The following PLAGL1 variants were observed in gnomAD, a reference collection of about 807,000 sequenced individuals.
The protein encoded by PLAGL1 is zinc finger protein PLAGL1.
In PLAGL1, 1 loss-of-function variant was observed where a neutral mutation model predicts 4.6. The observed-to-expected ratio is 0.22, with a 90% CI of 0.08 to 1.03. PLAGL1 has a LOEUF of 1.03. PLAGL1 is among the 50% of genes least tolerant of loss of function. The pLI is 0.58. For missense variants in PLAGL1, 464 were observed against 570.4 expected (o/e 0.81, Z 1.90); for synonymous variants, 240 against 237.8 (o/e 1.01, Z -0.08).
rs930430773 is a variant in PLAGL1 at position 144,036,121 on chromosome 6, G to T, written c.-151+28347C>A. Among the ~76,000 whole-genome samples the T allele has an allele frequency of 2.6e-5, 4 of 152,158 alleles. No homozygotes were observed. Among genetic ancestry groups the T allele is most frequent in the Admixed American group, 6.5e-5 (1 of 15,272 alleles). Reference sequence around the variant, plus strand: ...TGGACCCAGAGGGCAGCTACAAGCCGACTTTTATGCTCTGCCTCCAGAATG... The same window carrying T: ...TGGACCCAGAGGGCAGCTACAAGCCTACTTTTATGCTCTGCCTCCAGAATG... On this transcript the variant is annotated intron_variant, in intron 1 of 3. Transcript: ENST00000437412. This position sits in a 1 kb window ranked among gnomAD's most constrained non-coding sequence, Gnocchi z 5.1.
chr6:144,031,802 C>G (rs1242443094), intron 1 of PLAGL1, among the ~76,000 whole-genome samples: 1 of 152,044 alleles, frequency 6.6e-6, no homozygotes, highest in East Asian at 1.9e-4. Context: ...CAGATTTGTT[C>G]TTTTTGCTTA....
chr6:143,976,781 G>A (rs1221875796), intron 2 of PLAGL1, among the ~76,000 whole-genome samples: 1 of 152,088 alleles, frequency 6.6e-6, no homozygotes, highest in Non-Finnish European at 1.5e-5. Context: ...CTCACAACAT[G>A]AAAGAAACAC....
chr6:144,052,983 G>A (rs1798687188), intron 1 of PLAGL1, among the ~76,000 whole-genome samples: 1 of 152,020 alleles, frequency 6.6e-6, no homozygotes, highest in African/African-American at 2.4e-5. Context: ...GGGGGTCACA[G>A]AAAAAAATTA....
At chr6:144,062,675 C>A (rs950397866) in intron 1 of PLAGL1, among the ~76,000 whole-genome samples, 5 of 151,992 alleles carry the variant, frequency 3.3e-5, no homozygotes, top group African/African-American at 9.7e-5. Context: ...TCATCGTAGC[C>A]GGGTTATATT....
chr6:143,998,253 T>C (rs1056001379), intron 1 of PLAGL1, among the ~76,000 whole-genome samples: 1 of 152,224 alleles, frequency 6.6e-6, no homozygotes, highest in Non-Finnish European at 1.5e-5. Context: ...ATATTGGCAA[T>C]GAAAGCAAAG....
At chr6:144,001,328 A>G (rs1792834586) in intron 1 of PLAGL1, among the ~76,000 whole-genome samples, 1 of 152,178 alleles carries the variant, frequency 6.6e-6, no homozygotes, top group Non-Finnish European at 1.5e-5. Context: ...CCATCAATAT[A>G]CATGGATATA....
rs1798692934 is a variant in PLAGL1, at chr6:144,053,042, C to G, written c.-151+11426G>C. On this transcript the variant is annotated intron_variant, in intron 1 of 3. Transcript: ENST00000437412. This position sits in a 1 kb window ranked among gnomAD's most constrained non-coding sequence, Gnocchi z 4.0. Reference sequence around the variant, plus strand: ...AGGTTAGCACCAATACTTGTAAATGCTTTGATAAACAAGGATGAAATTATT... The same window carrying G: ...AGGTTAGCACCAATACTTGTAAATGGTTTGATAAACAAGGATGAAATTATT... Among the ~76,000 whole-genome samples the G allele has an allele frequency of 6.6e-6, 1 of 152,170 alleles. No individual in the cohort carries two copies. The highest frequency in any genetic ancestry group is 2.4e-5 in the African/African-American group (1 of 41,450).
intron 1 of PLAGL1, among the ~76,000 whole-genome samples, chr6:144,017,506 C>A (rs533408915): frequency 6.6e-6 from 1 of 152,212 alleles, no homozygotes; most frequent in Non-Finnish European, 1.5e-5. Context: ...TGAAGTCTGG[C>A]ACCTCTACTA....
In PLAGL1 at chr6:143,942,291, C is replaced by T; in HGVS notation, c.525G>A (p.Leu175=). The part of the protein sequence containing the change: ...FYTRKDVRRH[L]VVHTGCKDFL... The stretch of plus-strand genomic sequence containing the variant: ...AGTCCTTGCATCCTGTGTGGACCAC[C>T]AGGTGGCGTCGCACATCCTTCCGGG... The change falls in exon 8 of 8, where the codon CTG becomes CTA. Residue 175 remains leucine (L), a synonymous_variant. Transcript: ENST00000674357. This position sits in a 1 kb window ranked among gnomAD's most constrained non-coding sequence, Gnocchi z 7.6. The T allele has an allele frequency of 6.2e-7, 1 of 1,614,064 alleles. No individual in the cohort carries two copies. The highest frequency in any genetic ancestry group is 8.5e-7 in the Non-Finnish European group (1 of 1,179,990).
rs1654137334 is a variant in PLAGL1, at chr6:143,985,263, T to C, written c.-583-89A>G. On this transcript the variant is annotated intron_variant, in intron 1 of 7. Coordinates refer to ENST00000674357, the MANE Select transcript of PLAGL1 (RefSeq NM_001317162.2). This position sits in a 1 kb window ranked among gnomAD's most constrained non-coding sequence, Gnocchi z 4.4. ...ATTTTGAGATCACTGTAGGTTCATA[T>C]GCAATTTTAAAAGAGGCTTTACTCA... The C allele has an allele frequency of 6.6e-6, 1 of 152,252 alleles. No individual in the cohort carries two copies. Among genetic ancestry groups the C allele is most frequent in the Non-Finnish European group, 1.5e-5 (1 of 68,036 alleles). 9.4% of individuals were successfully genotyped at this position (152,252 alleles called of 1,614,324 possible).
intron 1 of PLAGL1, among the ~76,000 whole-genome samples, chr6:144,057,987 T>C (rs1799113427): frequency 6.6e-6 from 1 of 152,218 alleles, no homozygotes; most frequent in Admixed American, 6.5e-5. Context: ...TATACACCTA[T>C]ACTAAAGCTA....
rs528627137 is a variant in PLAGL1, at chr6:143,961,258, C to T, written c.-398-716G>A. On this transcript the variant is annotated intron_variant, in intron 5 of 7. Coordinates refer to ENST00000674357, the MANE Select transcript of PLAGL1 (RefSeq NM_001317162.2). This position sits in a 1 kb window ranked among gnomAD's most constrained non-coding sequence, Gnocchi z 6.5. ...ATTTGGAAACCAGCATTTCCGTTCA[C>T]CAAGTAATTATCAAACTTGGCTTCT... 1 of 152,322 alleles carries T rather than the reference C, an allele frequency of 6.6e-6. No homozygotes were observed. Among genetic ancestry groups the T allele is most frequent in the South Asian group, 2.1e-4 (1 of 4,828 alleles). 9.4% of individuals were successfully genotyped at this position (152,322 alleles called of 1,614,324 possible). A position where few individuals can be genotyped will look rare whatever the true frequency, so the allele number is the denominator to read the frequency against.
Position 143,970,886 on chromosome 6 carries a change from C to A in PLAGL1, c.-543-1908G>T, listed in dbSNP as rs891220627. 6.6e-6 allele frequency among the ~76,000 whole-genome samples: 1 copy of A among 152,122 alleles called. No individual in the cohort carries two copies. Among genetic ancestry groups the A allele is most frequent in the Non-Finnish European group, 1.5e-5 (1 of 68,012 alleles). On this transcript the variant is annotated intron_variant, in intron 2 of 7. Transcript: ENST00000674357. The surrounding 1 kb of genome is among the most constrained non-coding windows in gnomAD (Gnocchi z 5.8). ...TTTTTAACTGCAGTTACTTCCCTGGCCTGTCTGTAGTTCTTTTTTATTAAT... is the reference window on the plus strand; with the variant it reads ...TTTTTAACTGCAGTTACTTCCCTGGACTGTCTGTAGTTCTTTTTTATTAAT...
At chr6:143,967,997 C>CAAAAAAAAAAAAAAAAAAAAAAATAAA in intron 3 of PLAGL1, 1 of 90,020 alleles carries the variant, frequency 1.1e-5, no homozygotes, top group South Asian at 4.1e-4. Context: ...GGACATTTTG[C>CAAAAAAAAAAAAAAAAAAAAAAATAAA]AAAAAAAAAA....
intron 1 of PLAGL1, among the ~76,000 whole-genome samples, chr6:143,993,787 G>T (rs1791050576): frequency 6.6e-6 from 1 of 152,196 alleles, no homozygotes; most frequent in African/African-American, 2.4e-5. Flanking sequence ...TAGCAAATCT[G>T]AAAACCAGGA....
chr6:144,035,701 G>C (rs1375336968), intron 1 of PLAGL1, among the ~76,000 whole-genome samples: 1 of 152,176 alleles, frequency 6.6e-6, no homozygotes, highest in Non-Finnish European at 1.5e-5. Context: ...GTTGCTATGA[G>C]TGGTGAGACT....
In PLAGL1 at chr6:143,947,668, C is replaced by T. The variant is rs1344858476; in HGVS notation, c.152+317G>A. On this transcript the variant is annotated intron_variant, in intron 7 of 7. Coordinates refer to ENST00000674357, the MANE Select transcript of PLAGL1 (RefSeq NM_001317162.2). This position sits in a 1 kb window ranked among gnomAD's most constrained non-coding sequence, Gnocchi z 4.3. The stretch of plus-strand genomic sequence containing the variant: ...GGTTTCATCAGGCAGTGAAGAACAA[C>T]TTCTACCACCTGTATAGCTCTGTCA... 6.6e-6 allele frequency among the ~76,000 whole-genome samples: 1 copy of T among 152,230 alleles called. No individual in the cohort carries two copies. The highest frequency in any genetic ancestry group is 1.5e-5 in the Non-Finnish European group (1 of 68,038).
intron 1 of PLAGL1, among the ~76,000 whole-genome samples, chr6:144,020,435 G>A (rs1388406600): frequency 2.0e-5 from 3 of 151,698 alleles, no homozygotes; most frequent in East Asian, 1.9e-4. Context: ...TTACAGGTGC[G>A]GGTCACCACA....
chr6:144,057,329 G>T (rs190004669), intron 1 of PLAGL1, among the ~76,000 whole-genome samples: 4 of 152,308 alleles, frequency 2.6e-5, no homozygotes, highest in African/African-American at 4.8e-5. Flanking sequence ...GAAATGTAAT[G>T]CTTTTACTTC....
Sources: allele counts gnomAD v4.1 joint callset (sites outside exome capture counted in the v4.1 genomes callset), GRCh38; gene constraint gnomAD v4.1.1; non-coding constraint Gnocchi (gnomAD v3.1); transcripts MANE v1.5; gene names NCBI Gene and HGNC (gene_info 2026-07-23, HGNC 2026-07-21).